The following NR3C2 variants were observed in gnomAD, a reference collection of about 807,000 sequenced individuals.
NR3C2 encodes nuclear receptor subfamily 3 group C member 2.
Under a neutral mutation model 86.4 loss-of-function variants are expected in NR3C2, and 15 were observed. The observed-to-expected ratio is 0.17, with a 90% CI of 0.12 to 0.27. NR3C2 has a LOEUF of 0.27. Among genes scored for constraint, NR3C2 ranks in the 10% least tolerant of loss-of-function variants. The probability of loss-of-function intolerance (pLI) is 1.00; values close to 1 mark genes in which losing one functional copy is unlikely to be tolerated. For synonymous variants in NR3C2, 458 were observed against 450.5 expected (o/e 1.02, Z -0.21); for missense variants, 960 against 1,195.6 (o/e 0.80, Z 2.91).
intron 2 of NR3C2, among the ~76,000 whole-genome samples, chr4:148,418,686 C>T (rs1029008427): frequency 3.3e-5 from 5 of 152,110 alleles, no homozygotes; most frequent in African/African-American, 9.7e-5. Context: ...TAACAATCAA[C>T]AATAATAAGA....
chr4:148,311,477 C>T (rs1337561917), intron 2 of NR3C2, among the ~76,000 whole-genome samples: 1 of 152,156 alleles, frequency 6.6e-6, no homozygotes, highest in Non-Finnish European at 1.5e-5. Flanking sequence ...ATCCAATCAA[C>T]TACCATCAAA....
chr4:148,166,845 C>T (rs763900033), intron 4 of NR3C2, among the ~76,000 whole-genome samples: 6 of 150,624 alleles, frequency 4.0e-5, no homozygotes, highest in Non-Finnish European at 7.4e-5. Flanking sequence ...GGAGGACTTC[C>T]GGAAATTTTA....
intron 2 of NR3C2, among the ~76,000 whole-genome samples, chr4:148,320,638 T>C (rs1394739607): frequency 1.3e-5 from 2 of 151,762 alleles, no homozygotes; most frequent in Non-Finnish European, 2.9e-5. Context: ...TATCCATTTC[T>C]TCTAGATTTT....
At chr4:148,324,679 C>T (rs948664780) in intron 2 of NR3C2, among the ~76,000 whole-genome samples, 1 of 152,078 alleles carries the variant, frequency 6.6e-6, no homozygotes, top group Non-Finnish European at 1.5e-5. Context: ...TAAGTGTTTT[C>T]ACCACCAAAA....
chr4:148,271,510 CATGT>C (rs1740683125), intron 2 of NR3C2, among the ~76,000 whole-genome samples: 1 of 152,130 alleles, frequency 6.6e-6, no homozygotes, highest in Non-Finnish European at 1.5e-5. Flanking sequence ...AGTGCTGCTC[CATGT>C]GGCCACACGA....
intron 2 of NR3C2, among the ~76,000 whole-genome samples, chr4:148,418,266 T>C (rs990435721): frequency 1.1e-4 from 17 of 152,186 alleles, no homozygotes; most frequent in African/African-American, 4.1e-4. Context: ...ATGCTGAGTA[T>C]TGATTTTTAT....
chr4:148,169,510 A>G (rs1400456793), intron 4 of NR3C2, among the ~76,000 whole-genome samples: 1 of 151,042 alleles, frequency 6.6e-6, no homozygotes, highest in East Asian at 1.9e-4. Flanking sequence ...GATTTTTTAT[A>G]TATATATAAA....
chr4:148,114,366 A>C, intron 7 of NR3C2, 105 bp from the exon 8 acceptor site: 5 of 1,200,954 alleles, frequency 4.2e-6, no homozygotes, highest in Non-Finnish European at 6.0e-6. Context: ...ACTAAATCTC[A>C]ATTAATTGCA....
Position 148,097,447 on chromosome 4 carries a change from G to A in NR3C2, c.2800-15948C>T, listed in dbSNP as rs548605085. Among the ~76,000 whole-genome samples the A allele has an allele frequency of 8.5e-5, 13 of 152,310 alleles. No homozygotes were observed. In the South Asian group the frequency reaches 2.1e-3, roughly 24 times the overall value. ...CACAAGCTGCTGAGCTGCCCCTGTA[G>A]GGTTGACAAGAATTGCACGCCAGGT... On this transcript the variant is annotated intron_variant, in intron 8 of 8. Coordinates refer to ENST00000358102, the MANE Select transcript of NR3C2 (RefSeq NM_000901.5).
intron 2 of NR3C2, among the ~76,000 whole-genome samples, chr4:148,397,292 A>G (rs927513344): frequency 6.6e-6 from 1 of 152,242 alleles, no homozygotes; most frequent in Non-Finnish European, 1.5e-5. Context: ...TGGGTGAGCC[A>G]TGGGCTTTCA....
intron 2 of NR3C2, among the ~76,000 whole-genome samples, chr4:148,286,244 G>C (rs945665170): frequency 6.6e-6 from 1 of 152,142 alleles, no homozygotes; most frequent in African/African-American, 2.4e-5. Flanking sequence ...ACAGACCAAA[G>C]GAAACACTGT....
At chr4:148,402,179 G>C (rs1268424760) in intron 2 of NR3C2, among the ~76,000 whole-genome samples, 3 of 152,146 alleles carry the variant, frequency 2.0e-5, no homozygotes, top group Non-Finnish European at 4.4e-5. Flanking sequence ...AAGCCTCACG[G>C]ACAGTAGACA....
chr4:148,211,648 C>A (rs760681327), intron 3 of NR3C2, among the ~76,000 whole-genome samples: 1 of 152,086 alleles, frequency 6.6e-6, no homozygotes, highest in South Asian at 2.1e-4. Flanking sequence ...TGGTTAACAC[C>A]TCAGATCAAG....
chr4:148,193,036 A>G (rs1308100250), intron 4 of NR3C2, among the ~76,000 whole-genome samples: 4 of 152,174 alleles, frequency 2.6e-5, no homozygotes, highest in Admixed American at 2.6e-4. Flanking sequence ...GTTCAGCTAG[A>G]GAATTCCTTC....
chr4:148,344,854 C>T (rs1484161316), intron 2 of NR3C2, among the ~76,000 whole-genome samples: 1 of 152,120 alleles, frequency 6.6e-6, no homozygotes. Context: ...ATTAAACTAT[C>T]CTGTTCCTTT....
chr4:148,283,051 C>T (rs73855941), intron 2 of NR3C2, among the ~76,000 whole-genome samples: 4,412 of 152,122 alleles, frequency 0.029, 196 homozygotes, highest in African/African-American at 0.098. Context: ...CACAAGGAAA[C>T]GTTATTTAAA....
At chr4:148,389,773 T>G (rs1006446783) in intron 2 of NR3C2, among the ~76,000 whole-genome samples, 4 of 152,128 alleles carry the variant, frequency 2.6e-5, no homozygotes, top group African/African-American at 9.7e-5. Context: ...ATATACATTA[T>G]TTCATTTAAA....
intron 4 of NR3C2, among the ~76,000 whole-genome samples, chr4:148,162,549 C>T (rs1307513696): frequency 2.6e-5 from 4 of 152,176 alleles, no homozygotes; most frequent in Non-Finnish European, 5.9e-5. Context: ...AAACTCAGAA[C>T]ATCAGAGATT....
Position 148,154,620 on chromosome 4 carries a change from G to A in NR3C2, c.2296C>T (p.Leu766Phe). ...SSKPDTAENL[L>F]STLNRLAGKQ... ...CCTGCTAAGCGGTTGAGCGTGGAGA[G>A]CAGATTTTCGGCTGTATCTGGTTTT... The change falls in exon 5 of 9, where the codon CTC becomes TTC. Residue 766 changes from leucine to phenylalanine, a missense_variant. By Grantham distance (22) the Leu-to-Phe change is conservative (BLOSUM62 0). Transcript: ENST00000358102. The A allele has an allele frequency of 6.2e-7, 1 of 1,614,190 alleles. No individual in the cohort carries two copies. Among genetic ancestry groups the A allele is most frequent in the Non-Finnish European group, 8.5e-7 (1 of 1,180,030 alleles).
Sources: gnomAD v4.1 joint callset for allele counts (sites outside exome capture counted in the v4.1 genomes callset) on GRCh38, gnomAD v4.1.1 for gene constraint, MANE v1.5 for transcripts, NCBI Gene and HGNC (gene_info 2026-07-23, HGNC 2026-07-21) for gene names.